The following ZFHX3 variants were observed in gnomAD, a reference collection of about 807,000 sequenced individuals.
ZFHX3 encodes the protein zinc finger homeobox protein 3.
In ZFHX3, 42 loss-of-function variants were observed where a neutral mutation model predicts 279.1. That is an observed-to-expected ratio of 0.15 (90% CI 0.12 to 0.19). The LOEUF is 0.19. Ranked by LOEUF, ZFHX3 falls within the 10% of genes least tolerant of loss-of-function variation. ZFHX3 has a pLI of 1.00. For synonymous variants in ZFHX3, 2,293 were observed against 1,957.8 expected (o/e 1.17, Z -4.52); for missense variants, 4,981 against 4,754.0 (o/e 1.05, Z -1.40).
At chr16:72,889,274 T>A (rs73590756) in intron 4 of ZFHX3, among the ~76,000 whole-genome samples, 2 of 152,074 alleles carry the variant, frequency 1.3e-5, no homozygotes, top group Non-Finnish European at 2.9e-5. Context: ...AGACCAGACT[T>A]TGAGGCCACA....
At chr16:73,860,823 A>C (rs1370757651) in intron 1 of ZFHX3, among the ~76,000 whole-genome samples, 1 of 151,994 alleles carries the variant, frequency 6.6e-6, no homozygotes, top group Non-Finnish European at 1.5e-5. Flanking sequence ...AAGCCTCAAC[A>C]ACAAGTGTCA....
chr16:73,639,056 C>G (rs1022810549), intron 2 of ZFHX3, among the ~76,000 whole-genome samples: 1 of 152,132 alleles, frequency 6.6e-6, no homozygotes, highest in African/African-American at 2.4e-5. Context: ...GTCTGTCTAA[C>G]AGAAGCCATA....
rs761186383 is a variant in ZFHX3, at chr16:72,957,816, ACCGCCG to A, written c.2324_2329del (p.Ala775_Ala776del). The A allele has an allele frequency of 6.3e-7, 1 of 1,597,698 alleles. No homozygotes were observed. Among genetic ancestry groups the A allele is most frequent in the Non-Finnish European group, 8.5e-7 (1 of 1,170,902 alleles). ...ATTGGCTGCCGCCGCCGCCGCAGCC[ACCGCCG>A]CCGCCGCCGCCCCGGCAGTGTGGCT... On this transcript the variant is annotated inframe_deletion, in exon 2 of 10. Transcript: ENST00000268489.
intron 7 of ZFHX3, chr16:73,099,415 A>C (rs898773282): frequency 2.0e-5 from 3 of 152,156 alleles, no homozygotes; most frequent in Non-Finnish European, 1.5e-5. Context: ...TGGAAACATT[A>C]AGAGATGAGC....
intron 3 of ZFHX3, among the ~76,000 whole-genome samples, chr16:73,397,992 C>T (rs745860154): frequency 3.9e-5 from 6 of 152,072 alleles, no homozygotes; most frequent in African/African-American, 9.7e-5. Flanking sequence ...TTACAGGTGT[C>T]GGCCACCATG....
intron 1 of ZFHX3, among the ~76,000 whole-genome samples, chr16:73,796,884 C>T (rs141298042): frequency 6.6e-6 from 1 of 152,304 alleles, no homozygotes; most frequent in Non-Finnish European, 1.5e-5. Context: ...CACTGAAGAG[C>T]TTCCAGGCTG....
chr16:73,522,514 T>C (rs563026309), intron 2 of ZFHX3, among the ~76,000 whole-genome samples: 41 of 152,126 alleles, frequency 2.7e-4, no homozygotes, highest in Non-Finnish European at 4.9e-4. Flanking sequence ...AAATGGTTAA[T>C]GATCTGGGGC....
intron 2 of ZFHX3, among the ~76,000 whole-genome samples, chr16:73,629,343 G>C (rs1364271730): frequency 2.0e-5 from 3 of 151,830 alleles, no homozygotes; most frequent in Non-Finnish European, 1.5e-5. Context: ...GACTCCAGCA[G>C]ATTCAGAGAT....
intron 4 of ZFHX3, among the ~76,000 whole-genome samples, chr16:73,292,705 A>G (rs199720461): frequency 6.6e-6 from 1 of 152,150 alleles, no homozygotes; most frequent in East Asian, 1.9e-4. Context: ...AGCGGGCCTC[A>G]GGGGGTGCAT....
intron 8 of ZFHX3, among the ~76,000 whole-genome samples, chr16:73,078,343 G>T (rs1965908765): frequency 1.3e-5 from 2 of 152,176 alleles, no homozygotes; most frequent in Admixed American, 1.3e-4. Flanking sequence ...CAAGACGGGA[G>T]CACAAAGGTG....
chr16:73,506,184 C>T (rs960478192), intron 2 of ZFHX3, among the ~76,000 whole-genome samples: 6 of 152,214 alleles, frequency 3.9e-5, no homozygotes, highest in South Asian at 2.1e-4. Flanking sequence ...CTAAGTCATG[C>T]GCCTGGTCAG....
chr16:72,959,612 C>T lies in ZFHX3; in HGVS notation c.534G>A (p.Gly178=), dbSNP rs147876979. 3.8e-5 allele frequency: 61 copies of T among 1,614,160 alleles called. No individual in the cohort carries two copies. In the African/African-American group the frequency reaches 6.4e-4, roughly 17 times the overall value. The change falls in exon 2 of 10, where the codon GGG becomes GGA. Residue 178 remains glycine (G), a synonymous_variant. Transcript: ENST00000268489. ...SLFLNSLPGA[G]GKQGDPSCAA... is the part of the protein sequence containing the mutation. ...CACACGAAGGGTCCCCTTGCTTGCC[C>T]CCCGCGCCAGGGAGAGAGTTCAGGA... is the stretch of plus-strand genomic sequence containing the variant.
chr16:73,156,231 C>CCAA (rs1967080151), intron 5 of ZFHX3, among the ~76,000 whole-genome samples: 1 of 88,524 alleles, frequency 1.1e-5, no homozygotes, highest in African/African-American at 4.1e-5. Flanking sequence ...GACTCCCTCT[C>CCAA]AAAAAAAAAA....
chr16:73,824,283 C>A lies in ZFHX3; in HGVS notation c.-1608+67368G>T, dbSNP rs117929898. 7.2e-3 allele frequency among the ~76,000 whole-genome samples: 1,091 copies of A among 151,894 alleles called. 4 individuals carry two copies. The highest frequency in any genetic ancestry group is 0.012 in the Non-Finnish European group (788 of 67,986). On this transcript the variant is annotated intron_variant, in intron 1 of 17. Transcript: ENST00000641206. Reference sequence around the variant, plus strand: ...CAGGACAGAGTTGCTTGAAGCATAGCGTGAGAAACACTGGTCTGAACTTTT... The same window carrying A: ...CAGGACAGAGTTGCTTGAAGCATAGAGTGAGAAACACTGGTCTGAACTTTT...
chr16:73,100,577 CTTTT>C (rs368465486), intron 7 of ZFHX3, among the ~76,000 whole-genome samples: 1 of 143,600 alleles, frequency 7.0e-6, no homozygotes, highest in Non-Finnish European at 1.5e-5. Flanking sequence ...GAATTCCCCT[CTTTT>C]TTTTTTTTTT....
chr16:73,691,714 G>T (rs566640435), intron 1 of ZFHX3, among the ~76,000 whole-genome samples: 11 of 152,166 alleles, frequency 7.2e-5, no homozygotes, highest in Non-Finnish European at 1.2e-4. Context: ...ATATGGTGGG[G>T]CCTGAATTTG....
chr16:73,611,170 T>C (rs550153897), intron 2 of ZFHX3, among the ~76,000 whole-genome samples: 1 of 152,316 alleles, frequency 6.6e-6, no homozygotes, highest in East Asian at 1.9e-4. Flanking sequence ...TTTGAGTTTT[T>C]GATGACTGTC....
intron 1 of ZFHX3, among the ~76,000 whole-genome samples, chr16:73,691,892 C>T (rs1241914195): frequency 6.6e-6 from 1 of 152,300 alleles, no homozygotes; most frequent in East Asian, 1.9e-4. Context: ...CTCCTCTATG[C>T]GAAAGATCTG....
chr16:73,181,424 T>C (rs552117892), intron 5 of ZFHX3, among the ~76,000 whole-genome samples: 1 of 152,286 alleles, frequency 6.6e-6, no homozygotes, highest in South Asian at 2.1e-4. Flanking sequence ...CATGGATTTC[T>C]TCTTGCCAGC....
Sources: allele counts gnomAD v4.1 joint callset (sites outside exome capture counted in the v4.1 genomes callset), GRCh38; gene constraint gnomAD v4.1.1; transcripts MANE v1.5; gene names NCBI Gene and HGNC (gene_info 2026-07-23, HGNC 2026-07-21).